The following ADCY1 variants were observed in gnomAD, a reference collection of about 807,000 sequenced individuals.
ADCY1 encodes the protein adenylate cyclase type 1.
ADCY1 carries 28 observed loss-of-function variants against 105.4 expected under a neutral mutation model. The ratio of observed to expected loss-of-function variants is 0.27; its 90% CI spans 0.20 to 0.36. ADCY1 has a LOEUF of 0.36. Among genes scored for constraint, ADCY1 ranks in the 10% least tolerant of loss-of-function variants. The pLI, the probability that ADCY1 is intolerant of heterozygous loss-of-function variation, is 1.00. For synonymous variants in ADCY1, 655 were observed against 623.8 expected (o/e 1.05, Z -0.75); for missense variants, 977 against 1,434.2 (o/e 0.68, Z 5.15).
In ADCY1 at chr7:45,649,713, G is replaced by C. The variant is rs190813173; in HGVS notation, c.1148+916G>C. 5.3e-5 allele frequency among the ~76,000 whole-genome samples: 8 copies of C among 152,306 alleles called. No homozygotes were observed. In the East Asian group the frequency reaches 1.5e-3, roughly 29 times the overall value. On this transcript the variant is annotated intron_variant, in intron 5 of 19. Coordinates refer to ENST00000297323, the MANE Select transcript of ADCY1 (RefSeq NM_021116.4). ...ACTGGAAGGAGGCGGTTGGGAGGAG[G>C]CTGGTACCTCAAGCATTGTGCCCAC...
intron 4 of ADCY1, among the ~76,000 whole-genome samples, chr7:45,637,966 C>G (rs950769683): frequency 6.6e-6 from 1 of 152,158 alleles, no homozygotes; most frequent in Non-Finnish European, 1.5e-5. Flanking sequence ...CATCAACTGT[C>G]TTTCTTTGTT....
intron 1 of ADCY1, among the ~76,000 whole-genome samples, chr7:45,584,953 T>C (rs11761929): frequency 0.45 from 67,713 of 152,108 alleles, 15,536 homozygotes; most frequent in East Asian, 0.69. Context: ...GGGCAGCCTG[T>C]TCTGGAACAT....
At chr7:45,660,260 C>T in intron 7 of ADCY1, 77 bp downstream of exon 7, 1 of 1,558,828 alleles carries the variant, frequency 6.4e-7, no homozygotes, top group Non-Finnish European at 8.7e-7. Context: ...TGTGACTCCT[C>T]CTGCTTCCTC....
chr7:45,684,862 A>G (rs1444595501), intron 11 of ADCY1, 117 bp from the exon 12 acceptor site: 1 of 839,690 alleles, frequency 1.2e-6, no homozygotes, highest in African/African-American at 1.7e-5. Flanking sequence ...TGAAAAACGG[A>G]TGTGGACCTA....
intron 2 of ADCY1, among the ~76,000 whole-genome samples, chr7:45,596,650 G>T (rs1431613658): frequency 6.6e-6 from 1 of 152,222 alleles, no homozygotes; most frequent in East Asian, 1.9e-4. Context: ...ACCAGAAGAT[G>T]GGGGCTGAGT....
chr7:45,675,433 A>G (rs574007836), intron 8 of ADCY1, among the ~76,000 whole-genome samples: 2 of 152,280 alleles, frequency 1.3e-5, no homozygotes, highest in African/African-American at 2.4e-5. Flanking sequence ...GGAGGAAAGT[A>G]TATTGCATTT....
intron 5 of ADCY1, among the ~76,000 whole-genome samples, chr7:45,654,146 G>A (rs944149372): frequency 6.6e-6 from 1 of 152,216 alleles, no homozygotes; most frequent in Non-Finnish European, 1.5e-5. Context: ...GAGGGAGCCG[G>A]TGGCCAATAT....
At position 45,678,403 on chromosome 7, in the gene ADCY1, C is replaced by T. The variant is rs534537511; in HGVS notation, c.1898+140C>T. The T allele has an allele frequency of 2.4e-5, 19 of 776,886 alleles. No homozygotes were observed. The African/African-American group carries it at 3.3e-4, about 13-fold the overall frequency. 48.1% of individuals were successfully genotyped at this position (776,886 alleles called of 1,614,324 possible). Reference sequence around the variant, plus strand: ...CTCCCACAGTTATTGTCCCAATGTGCCCAACATGGCTGACATTAGCCAGCC... The same window carrying T: ...CTCCCACAGTTATTGTCCCAATGTGTCCAACATGGCTGACATTAGCCAGCC... On this transcript the variant is annotated intron_variant, in intron 10 of 19. Coordinates refer to ENST00000297323, the MANE Select transcript of ADCY1 (RefSeq NM_021116.4).
intron 4 of ADCY1, among the ~76,000 whole-genome samples, chr7:45,640,646 A>G (rs1794506158): frequency 6.6e-6 from 1 of 152,202 alleles, no homozygotes; most frequent in South Asian, 2.1e-4. Flanking sequence ...TCAGTTCTCC[A>G]TTATTTGAGG....
chr7:45,603,501 T>G (rs747925171), intron 2 of ADCY1, among the ~76,000 whole-genome samples: 8 of 152,348 alleles, frequency 5.3e-5, no homozygotes, highest in Non-Finnish European at 1.2e-4. Flanking sequence ...TATTTTGAAC[T>G]ACTTGTAGAT....
intron 14 of ADCY1, among the ~76,000 whole-genome samples, chr7:45,689,661 T>A (rs1265762143): frequency 6.6e-6 from 1 of 152,152 alleles, no homozygotes; most frequent in Non-Finnish European, 1.5e-5. Flanking sequence ...AGCATGAGAT[T>A]TGGCAGGGAC....
At chr7:45,673,335 G>T (rs954597888) in intron 8 of ADCY1, among the ~76,000 whole-genome samples, 8 of 152,102 alleles carry the variant, frequency 5.3e-5, no homozygotes, top group Non-Finnish European at 1.0e-4. Flanking sequence ...CTATTTTCTG[G>T]AAGAGATTGG....
At chr7:45,583,786 A>G (rs998909200) in intron 1 of ADCY1, among the ~76,000 whole-genome samples, 2 of 151,872 alleles carry the variant, frequency 1.3e-5, no homozygotes, top group East Asian at 1.9e-4. Context: ...GATTACAGGC[A>G]TGCACCACCA....
At chr7:45,592,656 C>T (rs541363929) in intron 1 of ADCY1, 103 bp from the exon 2 acceptor site, 34 of 1,517,224 alleles carry the variant, frequency 2.2e-5, no homozygotes, top group Middle Eastern at 1.8e-4. Context: ...GCCCGGGCGG[C>T]GTGGCTTTTG....
At chr7:45,597,604 T>C (rs1793114135) in intron 2 of ADCY1, among the ~76,000 whole-genome samples, 1 of 152,200 alleles carries the variant, frequency 6.6e-6, no homozygotes, top group African/African-American at 2.4e-5. Flanking sequence ...CTGTACTGTT[T>C]AGTGTCAATA....
Position 45,714,193 on chromosome 7 carries a change from G to C in ADCY1, c.*198G>C. 1.7e-6 allele frequency: 1 copy of C among 588,402 alleles called. No individual in the cohort carries two copies. The highest frequency in any genetic ancestry group is 3.0e-5 in the Admixed American group (1 of 33,572). The allele number at this position is 588,402 out of a possible 1,614,324, so 36.4% of individuals were successfully genotyped here. ...AGCAGGCACAGCACAGCAGTGACTC[G>C]GTGAGGGGAGGACACCCGACTGTGC... On this transcript the variant is annotated 3_prime_UTR_variant, in exon 20 of 20. Transcript: ENST00000297323.
At chr7:45,648,827 G>T (rs1794738307) in intron 5 of ADCY1, 30 bp downstream of exon 5, 6 of 1,608,962 alleles carry the variant, frequency 3.7e-6, no homozygotes, top group African/African-American at 2.7e-5. Flanking sequence ...GAGAGGAGTG[G>T]CCTGGGGCAT....
intron 11 of ADCY1, chr7:45,684,752 T>C (rs1784632511): frequency 2.3e-6 from 1 of 428,850 alleles, no homozygotes; most frequent in Non-Finnish European, 4.2e-6. Flanking sequence ...AGTATTATTC[T>C]TTGTAATTTA....
chr7:45,588,460 C>T lies in ADCY1; in HGVS notation c.640-4299C>T, dbSNP rs202181670. Among the ~76,000 whole-genome samples, 4 of 152,344 alleles carry T rather than the reference C, an allele frequency of 2.6e-5. No homozygotes were observed. In the East Asian group the frequency reaches 7.7e-4, roughly 29 times the overall value. ...GGGGAGCCATTGCTTCTAGTTTTCT[C>T]TCATTAGGCAGAGCTAGAACATATA... On this transcript the variant is annotated intron_variant, in intron 1 of 19. Transcript: ENST00000297323.
Sources: gnomAD v4.1 joint callset for allele counts (sites outside exome capture counted in the v4.1 genomes callset) on GRCh38, gnomAD v4.1.1 for gene constraint, MANE v1.5 for transcripts, NCBI Gene and HGNC (gene_info 2026-07-23, HGNC 2026-07-21) for gene names.